ITGB2: variants seen among roughly 807,000 people sequenced by gnomAD.
ITGB2 encodes the protein integrin beta-2.
In ITGB2, 56 loss-of-function variants were observed where a neutral mutation model predicts 86.8. The observed-to-expected ratio is 0.65, with a 90% CI of 0.52 to 0.81. The LOEUF (loss-of-function observed/expected upper bound fraction) is 0.81, where lower values mean the gene tolerates loss of function less well. ITGB2 is among the 30% of genes least tolerant of loss of function. ITGB2 has a pLI of 0.00. For missense variants in ITGB2, 948 were observed against 1,061.2 expected (o/e 0.89, Z 1.48); for synonymous variants, 457 against 450.4 (o/e 1.01, Z -0.19).
rs531538465 is a variant in ITGB2 at position 44,908,260 on chromosome 21, C to T, written c.148-1165G>A. On this transcript the variant is annotated intron_variant, in intron 3 of 15. Transcript: ENST00000652462. ...ACACCACTTCTCCTGCTGCCCTCCC[C>T]TTCTTCTCCACCCCCTCCCCTTCTC... 1.3e-5 allele frequency: 8 copies of T among 596,440 alleles called. No individual in the cohort carries two copies. In the African/African-American group the frequency reaches 1.5e-4, roughly 11 times the overall value. 36.9% of individuals were successfully genotyped at this position (596,440 alleles called of 1,614,324 possible).
At position 44,901,614 on chromosome 21, in the gene ITGB2, C is replaced by A; in HGVS notation, c.619G>T (p.Val207Leu). 2 of 1,614,244 alleles carry A rather than the reference C, an allele frequency of 1.2e-6. No homozygotes were observed. The highest frequency in any genetic ancestry group is 1.7e-6 in the Non-Finnish European group (2 of 1,180,036). Residue 207 changes from valine (V) to leucine (L), a missense_variant, in exon 6 of 16, where the codon GTG (valine) becomes TTG (leucine). By Grantham distance (32) the Val-to-Leu change is conservative. Coordinates refer to ENST00000652462, the MANE Select transcript of ITGB2 (RefSeq NM_000211.5). ...TTGGAGTTGTTGGTCAGCTTCAGCACGTGCCTGAAGGCAAACGGGGGCTGG... is the reference window on the plus strand; with the variant it reads ...TTGGAGTTGTTGGTCAGCTTCAGCAAGTGCCTGAAGGCAAACGGGGGCTGG... ...ECQPPFAFRH[V>L]LKLTNNSNQF...
chr21:44,886,528 G>A, intron 15 of ITGB2, 98 bp from the exon 16 acceptor site: 1 of 1,462,372 alleles, frequency 6.8e-7, no homozygotes, highest in Non-Finnish European at 9.6e-7. Flanking sequence ...CCGTCACTTT[G>A]AGGAAGAGCT....
In ITGB2 at chr21:44,891,099, AG is replaced by A. The variant is rs765015397; in HGVS notation, c.1412+709del. 2.0e-5 allele frequency among the ~76,000 whole-genome samples: 3 copies of A among 152,274 alleles called. No homozygotes were observed. The East Asian group carries it at 5.8e-4, about 29-fold the overall frequency. The stretch of plus-strand genomic sequence containing the variant: ...ACAGGGGAGGAGGTGACCAGAGCAA[AG>A]GGGGCAGAGTCCTGGGAGGTCAGCC... On this transcript the variant is annotated intron_variant, in intron 11 of 15. Coordinates refer to ENST00000652462, the MANE Select transcript of ITGB2 (RefSeq NM_000211.5).
At chr21:44,908,007 T>C in intron 3 of ITGB2, 1 of 715,862 alleles carries the variant, frequency 1.4e-6, no homozygotes. Context: ...AGGTGTTTAT[T>C]TCAGAGGAGC....
At chr21:44,886,676 G>T in intron 15 of ITGB2, 60 bp downstream of exon 15, 1 of 1,606,176 alleles carries the variant, frequency 6.2e-7, no homozygotes, top group Admixed American at 1.7e-5. Context: ...GCAGCAGGAG[G>T]TCGCATAGTG....
intron 8 of ITGB2, among the ~76,000 whole-genome samples, chr21:44,895,854 A>G (rs1359908684): frequency 2.2e-5 from 3 of 137,456 alleles, no homozygotes; most frequent in Admixed American, 2.1e-4. Context: ...ATGAAATGAA[A>G]TGAAATGAAA....
intron 1 of ITGB2, among the ~76,000 whole-genome samples, chr21:44,913,644 C>G (rs911660301): frequency 6.6e-6 from 1 of 152,110 alleles, no homozygotes; most frequent in Admixed American, 6.6e-5. Flanking sequence ...GATGAAGGTC[C>G]GCTCCAGGAG....
intron 6 of ITGB2, among the ~76,000 whole-genome samples, chr21:44,901,090 C>T (rs1411129510): frequency 6.6e-6 from 1 of 152,134 alleles, no homozygotes; most frequent in African/African-American, 2.4e-5. Flanking sequence ...GTGGGCGGGA[C>T]GTGGAGAGCG....
chr21:44,919,433 CCA>C (rs144726184), intron 1 of ITGB2, among the ~76,000 whole-genome samples: 3,546 of 152,292 alleles, frequency 0.023, 137 homozygotes, highest in African/African-American at 0.081. Flanking sequence ...AGTCTGGAGG[CCA>C]CTCTTGGTAA....
intron 6 of ITGB2, among the ~76,000 whole-genome samples, 166 bp from the exon 7 acceptor site, chr21:44,900,641 C>T (rs983541882): frequency 5.1e-5 from 6 of 117,758 alleles, no homozygotes; most frequent in African/African-American, 1.0e-4. Flanking sequence ...AGACGCCACG[C>T]CCAGGAGGAG....
rs1401985636 is a variant in ITGB2 at position 44,891,930 on chromosome 21, G to A, written c.1291C>T (p.Leu431=). The change falls in exon 11 of 16, where the codon CTG becomes TTG. Residue 431 remains leucine (L), a synonymous_variant. Coordinates refer to ENST00000652462, the MANE Select transcript of ITGB2 (RefSeq NM_000211.5). ...IQEQSFVIRA[L]GFTDIVTVQV... is the part of the protein sequence containing the mutation. Reference sequence around the variant, plus strand: ...ACGGTCACTATGTCCGTGAAGCCCAGCGCCCGGATGACAAACGACTGCTCC... The same window carrying A: ...ACGGTCACTATGTCCGTGAAGCCCAACGCCCGGATGACAAACGACTGCTCC... The A allele has an allele frequency of 6.2e-7, 1 of 1,613,480 alleles. No individual in the cohort carries two copies. The highest frequency in any genetic ancestry group is 1.1e-5 in the South Asian group (1 of 91,088).
intron 4 of ITGB2, among the ~76,000 whole-genome samples, chr21:44,906,094 C>T (rs2084037738): frequency 6.6e-6 from 1 of 152,064 alleles, no homozygotes; most frequent in African/African-American, 2.4e-5. Flanking sequence ...CACCACCACA[C>T]CTGCCTTCCT....
intron 11 of ITGB2, among the ~76,000 whole-genome samples, chr21:44,891,008 G>A (rs1021962539): frequency 3.3e-5 from 5 of 152,090 alleles, no homozygotes; most frequent in African/African-American, 9.7e-5. Flanking sequence ...GGAGGCTGGG[G>A]GCAGCAGGGA....
At chr21:44,902,618 T>C (rs945701206) in intron 5 of ITGB2, among the ~76,000 whole-genome samples, 2 of 152,136 alleles carry the variant, frequency 1.3e-5, no homozygotes, top group Non-Finnish European at 2.9e-5. Flanking sequence ...TGAGCATCCA[T>C]TTGTGCATGT....
At chr21:44,890,765 G>A (rs1036453691) in intron 11 of ITGB2, among the ~76,000 whole-genome samples, 4 of 152,094 alleles carry the variant, frequency 2.6e-5, no homozygotes, top group Admixed American at 6.5e-5. Flanking sequence ...GCACTGCCAC[G>A]GGCTCTCCTG....
intron 14 of ITGB2, among the ~76,000 whole-genome samples, chr21:44,887,962 C>T (rs373960843): frequency 6.6e-6 from 1 of 152,214 alleles, no homozygotes; most frequent in African/African-American, 2.4e-5. Context: ...AGTCCGCCAG[C>T]GGCCCCCCAG....
At chr21:44,905,320 C>A (rs1031545682) in intron 4 of ITGB2, among the ~76,000 whole-genome samples, 2 of 152,174 alleles carry the variant, frequency 1.3e-5, no homozygotes, top group African/African-American at 4.8e-5. Flanking sequence ...CCTACCCTCA[C>A]CTGCATCCAC....
chr21:44,921,109 TC>T (rs1766591557), upstream of ITGB2: 1 of 152,240 alleles, frequency 6.6e-6, no homozygotes, highest in Non-Finnish European at 1.5e-5. Flanking sequence ...AGGACCTGCT[TC>T]CATCAGATTC....
intron 10 of ITGB2, among the ~76,000 whole-genome samples, chr21:44,892,416 T>A (rs1023545340): frequency 9.9e-5 from 15 of 152,110 alleles, no homozygotes; most frequent in Non-Finnish European, 1.6e-4. Context: ...GGGCAAGAGT[T>A]TGAGACCAGC....
Sources: gnomAD v4.1 joint callset for allele counts (sites outside exome capture counted in the v4.1 genomes callset) on GRCh38, gnomAD v4.1.1 for gene constraint, MANE v1.5 for transcripts, NCBI Gene and HGNC (gene_info 2026-07-23, HGNC 2026-07-21) for gene names.